The following PTGIS variants were observed in gnomAD, a reference collection of about 807,000 sequenced individuals.
PTGIS encodes prostaglandin I2 synthase.
PTGIS carries 45 observed loss-of-function variants against 50.3 expected under a neutral mutation model. The ratio of observed to expected loss-of-function variants is 0.90; its 90% CI spans 0.70 to 1.15. The LOEUF is 1.15. PTGIS is among the 50% of genes most tolerant of loss of function. PTGIS has a pLI of 0.00. For synonymous variants in PTGIS, 260 were observed against 267.7 expected (o/e 0.97, Z 0.28); for missense variants, 668 against 661.3 (o/e 1.01, Z -0.11).
chr20:49,511,292 A>T (rs1476297206), intron 8 of PTGIS, 113 bp from the exon 9 acceptor site: 7 of 1,263,846 alleles, frequency 5.5e-6, no homozygotes, highest in Non-Finnish European at 7.9e-6. Context: ...AAAACTGGAA[A>T]CCATATACAG....
intron 5 of PTGIS, among the ~76,000 whole-genome samples, chr20:49,525,267 T>C (rs1006801245): frequency 1.3e-5 from 2 of 152,240 alleles, no homozygotes; most frequent in Non-Finnish European, 2.9e-5. Context: ...GCCTGTGCTT[T>C]CAAAGGAAGC....
At chr20:49,548,147 A>G in intron 2 of PTGIS, 128 bp from the exon 3 acceptor site, 1 of 862,818 alleles carries the variant, frequency 1.2e-6, no homozygotes, top group South Asian at 1.4e-5. Flanking sequence ...TCTCTTATCT[A>G]TGCCTCACTA....
At chr20:49,535,744 G>T (rs1982052128) in intron 5 of PTGIS, among the ~76,000 whole-genome samples, 1 of 152,232 alleles carries the variant, frequency 6.6e-6, no homozygotes, top group African/African-American at 2.4e-5. Flanking sequence ...GCAAACTCCT[G>T]ACCTCAAGTG....
chr20:49,565,972 G>C (rs926943886), intron 1 of PTGIS, among the ~76,000 whole-genome samples: 1 of 152,226 alleles, frequency 6.6e-6, no homozygotes, highest in African/African-American at 2.4e-5. Flanking sequence ...ACTCACGCCT[G>C]TAATCTCAGC....
chr20:49,542,233 T>C (rs1982248789), intron 4 of PTGIS, among the ~76,000 whole-genome samples: 1 of 152,238 alleles, frequency 6.6e-6, no homozygotes, highest in Non-Finnish European at 1.5e-5. Context: ...CAGGCCAGGC[T>C]GGTGGGTGTA....
chr20:49,526,841 C>T (rs531558760), intron 5 of PTGIS, among the ~76,000 whole-genome samples: 20 of 152,204 alleles, frequency 1.3e-4, no homozygotes, highest in East Asian at 1.2e-3. Flanking sequence ...ATGGTGAGGA[C>T]GTGGAGAAAT....
chr20:49,517,561 G>A (rs922064886), intron 6 of PTGIS, among the ~76,000 whole-genome samples: 2 of 152,116 alleles, frequency 1.3e-5, no homozygotes, highest in African/African-American at 4.8e-5. Context: ...GTTTACTCAG[G>A]AAGACACTTC....
intron 5 of PTGIS, among the ~76,000 whole-genome samples, chr20:49,536,118 G>A (rs1982062010): frequency 6.6e-6 from 1 of 152,184 alleles, no homozygotes; most frequent in Non-Finnish European, 1.5e-5. Flanking sequence ...TAAACACAGA[G>A]ACACTGTAGA....
chr20:49,519,428 C>G (rs181812904), intron 6 of PTGIS, among the ~76,000 whole-genome samples: 1 of 152,042 alleles, frequency 6.6e-6, no homozygotes. Context: ...TCACAGCTAC[C>G]ATTTTTCAGC....
chr20:49,549,928 G>A, intron 2 of PTGIS, 138 bp downstream of exon 2: 1 of 1,352,392 alleles, frequency 7.4e-7, no homozygotes, highest in Middle Eastern at 1.9e-4. Flanking sequence ...ATAGAAAGTT[G>A]GCTCGACCAC....
chr20:49,515,056 G>A (rs966340733), intron 6 of PTGIS, among the ~76,000 whole-genome samples: 2 of 152,346 alleles, frequency 1.3e-5, no homozygotes, highest in Middle Eastern at 3.4e-3. Context: ...GCTGATGGGT[G>A]TATGCCGCTG....
Position 49,550,155 on chromosome 20 carries a change from T to C in PTGIS, c.109A>G (p.Ile37Val), listed in dbSNP as rs1434437386. Reference protein sequence around the residue: ...PGEPPLDLGSIPWLGYALDFG... With the variant: ...PGEPPLDLGSVPWLGYALDFG... ...TCCAAGGCATACCCCAACCAGGGGA[T>C]GCTGCCCAGGTCCAGGGGAGGCTCA... Residue 37 changes from isoleucine (I) to valine (V), a missense_variant, in exon 2 of 10, where the codon ATC (isoleucine) becomes GTC (valine). Physicochemically the swap from Ile to Val is conservative, Grantham distance 29. Transcript: ENST00000244043. 1.9e-6 allele frequency: 3 copies of C among 1,613,836 alleles called. No individual in the cohort carries two copies. The African/African-American group carries it at 4.0e-5, about 22-fold the overall frequency.
In PTGIS at chr20:49,540,939, G is replaced by C. The variant is rs1982210794; in HGVS notation, c.522-1218C>G. Among the ~76,000 whole-genome samples, 1 of 152,176 alleles carries C rather than the reference G, an allele frequency of 6.6e-6. No homozygotes were observed. The highest frequency in any genetic ancestry group is 2.1e-4 in the South Asian group (1 of 4,836). Reference sequence around the variant, plus strand: ...CAGAGACCAGGATCTCTCAGGAGAGGGGTTTTCCCAGATGAAGAGAGAATG... The same window carrying C: ...CAGAGACCAGGATCTCTCAGGAGAGCGGTTTTCCCAGATGAAGAGAGAATG... On this transcript the variant is annotated intron_variant, in intron 4 of 9. Transcript: ENST00000244043. The surrounding 1 kb of genome is among the most constrained non-coding windows in gnomAD (Gnocchi z 4.8).
chr20:49,520,823 C>T (rs1981633041), intron 6 of PTGIS, among the ~76,000 whole-genome samples: 4 of 152,064 alleles, frequency 2.6e-5, no homozygotes, highest in Non-Finnish European at 5.9e-5. Flanking sequence ...CGCACCATCA[C>T]GCCCAGCTTT....
chr20:49,525,635 A>G (rs1981775800), intron 5 of PTGIS, among the ~76,000 whole-genome samples: 1 of 151,524 alleles, frequency 6.6e-6, no homozygotes, highest in African/African-American at 2.4e-5. Flanking sequence ...CTTAATATAC[A>G]TTGTTTTAAA....
intron 1 of PTGIS, among the ~76,000 whole-genome samples, chr20:49,558,660 G>C (rs1982682261): frequency 6.6e-6 from 1 of 152,044 alleles, no homozygotes; most frequent in Admixed American, 6.6e-5. Flanking sequence ...ATAGGAGCTG[G>C]GTAAAATGAG....
At position 49,553,077 on chromosome 20, in the gene PTGIS, C is replaced by G. The variant is rs984131593; in HGVS notation, c.75-2888G>C. On this transcript the variant is annotated intron_variant, in intron 1 of 9. Transcript: ENST00000244043. ...CTTAAGTAAATCTTTAACAAATAAG[C>G]TGGTTTTAAAATTATTGGTAAAATA... 2.0e-5 allele frequency among the ~76,000 whole-genome samples: 3 copies of G among 152,118 alleles called. No individual in the cohort carries two copies. The East Asian group carries it at 5.8e-4, about 29-fold the overall frequency.
At chr20:49,514,923 G>T (rs969955386) in intron 6 of PTGIS, among the ~76,000 whole-genome samples, 2 of 152,180 alleles carry the variant, frequency 1.3e-5, no homozygotes, top group Non-Finnish European at 2.9e-5. Context: ...CCTAAGCCGC[G>T]AGAGACTTTG....
At chr20:49,521,800 C>G (rs553410793) in intron 6 of PTGIS, among the ~76,000 whole-genome samples, 1 of 152,282 alleles carries the variant, frequency 6.6e-6, no homozygotes, top group South Asian at 2.1e-4. Context: ...GCTTGGGGAT[C>G]AGGAGAGAGG....
Sources: gnomAD v4.1 joint callset for allele counts (sites outside exome capture counted in the v4.1 genomes callset) on GRCh38, gnomAD v4.1.1 for gene constraint, Gnocchi (gnomAD v3.1) non-coding constraint, MANE v1.5 for transcripts, NCBI Gene and HGNC (gene_info 2026-07-23, HGNC 2026-07-21) for gene names.